Variants in SDK1 observed in about 807,000 individuals in gnomAD.
The protein encoded by SDK1 is sidekick cell adhesion molecule 1, also known as protein sidekick-1.
Under a neutral mutation model 245.5 loss-of-function variants are expected in SDK1, and 157 were observed. The ratio of observed to expected loss-of-function variants is 0.64; its 90% CI spans 0.56 to 0.73. SDK1 has a LOEUF of 0.73. Ranked by LOEUF, SDK1 falls within the 30% of genes least tolerant of loss-of-function variation. The pLI, the probability that SDK1 is intolerant of heterozygous loss-of-function variation, is 0.00. For synonymous variants in SDK1, 1,647 were observed against 1,278.5 expected (o/e 1.29, Z -6.15); for missense variants, 3,583 against 3,002.3 (o/e 1.19, Z -4.52).
intron 1 of SDK1, among the ~76,000 whole-genome samples, chr7:3,404,009 G>T (rs900947433): frequency 6.6e-6 from 1 of 150,934 alleles, no homozygotes; most frequent in African/African-American, 2.4e-5. Flanking sequence ...GCATATAAAA[G>T]TTGTGTTTAT....
intron 1 of SDK1, among the ~76,000 whole-genome samples, chr7:3,548,335 A>G (rs1177948903): frequency 1.3e-5 from 2 of 152,234 alleles, no homozygotes; most frequent in Admixed American, 1.3e-4. Context: ...TAGATGAATT[A>G]TTGTTCTAAA....
chr7:4,216,734 A>G (rs940498249), intron 38 of SDK1, among the ~76,000 whole-genome samples: 1 of 152,182 alleles, frequency 6.6e-6, no homozygotes, highest in African/African-American at 2.4e-5. Flanking sequence ...CTCACCCAGA[A>G]CCAGGTCTGT....
At chr7:3,792,802 T>A (rs1486913406) in intron 4 of SDK1, among the ~76,000 whole-genome samples, 1 of 152,142 alleles carries the variant, frequency 6.6e-6, no homozygotes, top group African/African-American at 2.4e-5. Context: ...CATTTGCTTC[T>A]CTGTACCTCT....
intron 44 of SDK1, among the ~76,000 whole-genome samples, chr7:4,252,456 A>G (rs1240099209): frequency 6.6e-6 from 1 of 152,006 alleles, no homozygotes; most frequent in Non-Finnish European, 1.5e-5. Context: ...CCAGTCTATC[A>G]TTGTTGGACA....
intron 1 of SDK1, among the ~76,000 whole-genome samples, chr7:3,419,998 C>CAGAGG (rs2128580564): frequency 6.6e-6 from 1 of 152,338 alleles, no homozygotes; most frequent in South Asian, 2.1e-4. Flanking sequence ...ACCTCTGTGA[C>CAGAGG]TGTGAAACAT....
At chr7:3,457,048 A>G (rs1400203180) in intron 1 of SDK1, among the ~76,000 whole-genome samples, 2 of 152,122 alleles carry the variant, frequency 1.3e-5, no homozygotes, top group Non-Finnish European at 2.9e-5. Context: ...GGGAACTTTA[A>G]TGGGGGAAGG....
chr7:3,719,424 T>C (rs959052605), intron 4 of SDK1, among the ~76,000 whole-genome samples: 1 of 152,024 alleles, frequency 6.6e-6, no homozygotes, highest in Non-Finnish European at 1.5e-5. Flanking sequence ...CGTGACTGTG[T>C]GGTACTGGCA....
At chr7:4,069,861 A>C (rs2128174041) in intron 20 of SDK1, among the ~76,000 whole-genome samples, 1 of 152,296 alleles carries the variant, frequency 6.6e-6, no homozygotes, top group East Asian at 1.9e-4. Context: ...TGGCGATGAC[A>C]AGGCTGAGGT....
chr7:3,401,294 G>C (rs1778880885), intron 1 of SDK1, among the ~76,000 whole-genome samples: 2 of 152,154 alleles, frequency 1.3e-5, no homozygotes, highest in African/African-American at 4.8e-5. Flanking sequence ...ATATCATGGA[G>C]GCAGGATCAG....
intron 4 of SDK1, among the ~76,000 whole-genome samples, chr7:3,701,466 A>G (rs1784737168): frequency 6.6e-6 from 1 of 152,148 alleles, no homozygotes; most frequent in Non-Finnish European, 1.5e-5. Flanking sequence ...TGGGAGTGGT[A>G]GCACGTGCCT....
intron 1 of SDK1, among the ~76,000 whole-genome samples, chr7:3,564,454 T>C (rs1039293111): frequency 5.9e-5 from 9 of 151,992 alleles, no homozygotes; most frequent in Non-Finnish European, 1.0e-4. Flanking sequence ...GCGCAACTAC[T>C]TTCCATCTTG....
rs777065281 is a variant in SDK1, at chr7:3,422,379, C to A, written c.298+120495C>A. 2.6e-5 allele frequency among the ~76,000 whole-genome samples: 4 copies of A among 152,098 alleles called. No individual in the cohort carries two copies. In the South Asian group the frequency reaches 6.2e-4, roughly 24 times the overall value. The stretch of plus-strand genomic sequence containing the variant: ...AAAGAATATGTGGCTTATATGCAAC[C>A]GATTAACTTGAGTCAAATCTAAATA... On this transcript the variant is annotated intron_variant, in intron 1 of 44. Coordinates refer to ENST00000404826, the MANE Select transcript of SDK1 (RefSeq NM_152744.4).
intron 1 of SDK1, among the ~76,000 whole-genome samples, chr7:3,390,074 T>C (rs1391460951): frequency 6.6e-6 from 1 of 152,138 alleles, no homozygotes; most frequent in Non-Finnish European, 1.5e-5. Flanking sequence ...GCAGAATTTG[T>C]AAGTGATGAA....
At position 4,266,976 on chromosome 7, in the gene SDK1, C is replaced by T; in HGVS notation, c.*1592C>T. On this transcript the variant is annotated 3_prime_UTR_variant, in exon 45 of 45. Transcript: ENST00000404826. ...CACCCAGGAGCCAGTCTCCTGGCCA[C>T]ATGCAGAAAGTGTGGCCCCTGCTTA... is the stretch of plus-strand genomic sequence containing the variant. 2 of 985,566 alleles carry T rather than the reference C, an allele frequency of 2.0e-6. No homozygotes were observed. Among genetic ancestry groups the T allele is most frequent in the Non-Finnish European group, 2.4e-6 (2 of 830,000 alleles). The allele number at this position is 985,566 out of a possible 1,614,324, so 61.1% of individuals were successfully genotyped here. A position where few individuals can be genotyped will look rare whatever the true frequency, so the allele number is the denominator to read the frequency against.
At chr7:4,197,058 C>G (rs1783622701) in intron 35 of SDK1, among the ~76,000 whole-genome samples, 1 of 152,220 alleles carries the variant, frequency 6.6e-6, no homozygotes, top group South Asian at 2.1e-4. Flanking sequence ...CTCCAACGAT[C>G]TGCTGTGCAA....
Position 4,268,779 on chromosome 7 carries a change from A to G in SDK1, c.*3395A>G, listed in dbSNP as rs1788629190. ...GGATCCAGTCTGAAAGGTGAGGACA[A>G]CGTGGAAACTCATGAGCTGAGCCTG... On this transcript the variant is annotated 3_prime_UTR_variant, in exon 45 of 45. Transcript: ENST00000404826. The G allele has an allele frequency of 1.5e-6, 2 of 1,361,930 alleles. No homozygotes were observed. 84.4% of individuals were successfully genotyped at this position (1,361,930 alleles called of 1,614,324 possible).
At chr7:3,800,212 A>C (rs1333642781) in intron 4 of SDK1, among the ~76,000 whole-genome samples, 1 of 152,020 alleles carries the variant, frequency 6.6e-6, no homozygotes, top group African/African-American at 2.4e-5. Context: ...TCCATTTCCT[A>C]ATTTTTAATC....
intron 4 of SDK1, among the ~76,000 whole-genome samples, chr7:3,670,298 T>C (rs2128662482): frequency 6.6e-6 from 1 of 152,290 alleles, no homozygotes. Flanking sequence ...TTCCTTCCCT[T>C]ATCTACCTAA....
chr7:3,661,802 C>T (rs747756622), intron 4 of SDK1, among the ~76,000 whole-genome samples: 1 of 152,034 alleles, frequency 6.6e-6, no homozygotes, highest in South Asian at 2.1e-4. Context: ...TGTGTGGCCT[C>T]GGGCAAGCAC....
Sources: gnomAD v4.1 joint callset for allele counts (sites outside exome capture counted in the v4.1 genomes callset) on GRCh38, gnomAD v4.1.1 for gene constraint, MANE v1.5 for transcripts, NCBI Gene and HGNC (gene_info 2026-07-23, HGNC 2026-07-21) for gene names.